Variants in DPY19L4 observed in about 807,000 individuals in gnomAD.
The protein encoded by DPY19L4 is probable C-mannosyltransferase DPY19L4.
A neutral mutation model predicts 102.8 loss-of-function variants in DPY19L4; 97 were observed. The ratio of observed to expected loss-of-function variants is 0.94; its 90% CI spans 0.80 to 1.12. The LOEUF (loss-of-function observed/expected upper bound fraction) is 1.12. DPY19L4 is among the 50% of genes most tolerant of loss of function. The pLI, the probability that DPY19L4 is intolerant of heterozygous loss-of-function variation, is 0.00. For synonymous variants in DPY19L4, 252 were observed against 283.1 expected (o/e 0.89, Z 1.10); for missense variants, 815 against 850.4 (o/e 0.96, Z 0.52).
intron 17 of DPY19L4, among the ~76,000 whole-genome samples, chr8:94,784,777 A>T (rs1386240308): frequency 2.6e-5 from 4 of 152,226 alleles, no homozygotes; most frequent in African/African-American, 9.6e-5. Context: ...TCTTGGTACT[A>T]CATTTTGTCT....
At chr8:94,755,922 A>T in intron 6 of DPY19L4, 114 bp from the exon 7 acceptor site, 1 of 1,120,236 alleles carries the variant, frequency 8.9e-7, no homozygotes, top group Non-Finnish European at 1.2e-6. Flanking sequence ...GGCTATGCCT[A>T]CCTCACAGGA....
chr8:94,742,788 C>T (rs1319785936), intron 6 of DPY19L4, among the ~76,000 whole-genome samples: 1 of 151,534 alleles, frequency 6.6e-6, no homozygotes, highest in East Asian at 2.0e-4. Flanking sequence ...CTTGAATTGA[C>T]CTCAAGTGAT....
intron 3 of DPY19L4, among the ~76,000 whole-genome samples, chr8:94,735,900 C>A (rs1811169368): frequency 6.6e-6 from 1 of 151,940 alleles, no homozygotes; most frequent in Admixed American, 6.6e-5. Context: ...TATTTGCATT[C>A]ATAAAAAAAA....
intron 2 of DPY19L4, among the ~76,000 whole-genome samples, chr8:94,727,524 G>A (rs990048486): frequency 1.3e-5 from 2 of 152,286 alleles, no homozygotes; most frequent in African/African-American, 2.4e-5. Flanking sequence ...ATAAGCCACC[G>A]TGCCCAGCCT....
chr8:94,779,824 A>T (rs4735325), intron 14 of DPY19L4, among the ~76,000 whole-genome samples: 126,303 of 152,122 alleles, frequency 0.83, 52,872 homozygotes, highest in East Asian at 0.96. Context: ...CATGGGACAG[A>T]AGGCAGAGCA....
At chr8:94,724,913 C>A (rs1810623232) in intron 1 of DPY19L4, among the ~76,000 whole-genome samples, 1 of 152,096 alleles carries the variant, frequency 6.6e-6, no homozygotes, top group Non-Finnish European at 1.5e-5. Context: ...AAAATATTTT[C>A]ATTGATTTCA....
At chr8:94,785,273 C>T (rs1424403095) in intron 17 of DPY19L4, among the ~76,000 whole-genome samples, 1 of 152,132 alleles carries the variant, frequency 6.6e-6, no homozygotes, top group Admixed American at 6.5e-5. Context: ...TGTTATTATT[C>T]TGTACTATTA....
At chr8:94,722,216 G>A (rs894049953) in intron 1 of DPY19L4, among the ~76,000 whole-genome samples, 29 of 152,180 alleles carry the variant, frequency 1.9e-4, no homozygotes, top group African/African-American at 7.0e-4. Flanking sequence ...GACCAGCCTG[G>A]CCAATATGGT....
At chr8:94,724,612 C>T (rs749118357) in intron 1 of DPY19L4, among the ~76,000 whole-genome samples, 2 of 152,076 alleles carry the variant, frequency 1.3e-5, no homozygotes, top group African/African-American at 2.4e-5. Flanking sequence ...GTTTTTGAGA[C>T]GGAGTCTCCC....
chr8:94,780,201 C>T (rs965345164), intron 14 of DPY19L4, among the ~76,000 whole-genome samples, 158 bp from the exon 15 acceptor site: 2 of 152,070 alleles, frequency 1.3e-5, no homozygotes, highest in African/African-American at 4.8e-5. Context: ...AGTTTTCACC[C>T]ATCTCATTCT....
At position 94,790,681 on chromosome 8, in the gene DPY19L4, A is replaced by C. The variant is rs1190914224; in HGVS notation, c.*771A>C. 3 of 152,098 alleles carry C rather than the reference A, an allele frequency of 2.0e-5. No individual in the cohort carries two copies. The highest frequency in any genetic ancestry group is 7.2e-5 in the African/African-American group (3 of 41,472). 9.4% of individuals were successfully genotyped at this position (152,098 alleles called of 1,614,324 possible). ...ATATTTTGTTAAATGGACATTTAAA[A>C]GAATGTTGTTCAGGTTTTTTTTTTA... On this transcript the variant is annotated 3_prime_UTR_variant, in exon 19 of 19. Transcript: ENST00000414645.
At chr8:94,745,644 T>C (rs1329677731) in intron 6 of DPY19L4, among the ~76,000 whole-genome samples, 3 of 152,206 alleles carry the variant, frequency 2.0e-5, no homozygotes, top group South Asian at 4.1e-4. Flanking sequence ...TATAAGTTTT[T>C]TCAATTTTAG....
chr8:94,727,678 C>T (rs939637635), intron 2 of DPY19L4, among the ~76,000 whole-genome samples: 1 of 152,180 alleles, frequency 6.6e-6, no homozygotes, highest in Non-Finnish European at 1.5e-5. Flanking sequence ...CTGATTCCTT[C>T]AGCATCAAAT....
chr8:94,785,905 A>G (rs1239014245), intron 17 of DPY19L4, among the ~76,000 whole-genome samples: 2 of 152,208 alleles, frequency 1.3e-5, no homozygotes, highest in Non-Finnish European at 2.9e-5. Context: ...ATGGAATTTC[A>G]GAATTACTTG....
At chr8:94,788,187 G>A (rs1813740817) in intron 18 of DPY19L4, 135 bp downstream of exon 18, 2 of 410,918 alleles carry the variant, frequency 4.9e-6, no homozygotes, top group Non-Finnish European at 7.2e-6. Context: ...TGTAATAATG[G>A]GGAAAGCTTC....
At chr8:94,760,463 G>A (rs1249221036) in intron 7 of DPY19L4, among the ~76,000 whole-genome samples, 3 of 152,194 alleles carry the variant, frequency 2.0e-5, no homozygotes, top group Non-Finnish European at 4.4e-5. Flanking sequence ...TGCAGTTGGT[G>A]TTATTTGCCC....
At chr8:94,730,702 G>A (rs1337146693) in intron 2 of DPY19L4, among the ~76,000 whole-genome samples, 10 of 148,106 alleles carry the variant, frequency 6.8e-5, no homozygotes, top group Non-Finnish European at 1.2e-4. Context: ...TCGAGATCAC[G>A]CCATTGCACT....
chr8:94,764,656 T>C (rs1812556772), intron 8 of DPY19L4, among the ~76,000 whole-genome samples: 2 of 134,904 alleles, frequency 1.5e-5, no homozygotes, highest in African/African-American at 5.7e-5. Context: ...TATGTATGTA[T>C]GTATGTATGC....
chr8:94,759,909 G>C (rs1812330448), intron 7 of DPY19L4, among the ~76,000 whole-genome samples: 1 of 152,136 alleles, frequency 6.6e-6, no homozygotes. Flanking sequence ...TCAATCTTTT[G>C]TGCAATTATC....
Sources: allele counts gnomAD v4.1 joint callset (sites outside exome capture counted in the v4.1 genomes callset), GRCh38; gene constraint gnomAD v4.1.1; transcripts MANE v1.5; gene names NCBI Gene and HGNC (gene_info 2026-07-23, HGNC 2026-07-21).